SUGP2: variants seen among roughly 807,000 people sequenced by gnomAD.
SUGP2 encodes SURP and G-patch domain containing 2.
Under a neutral mutation model 90.5 loss-of-function variants are expected in SUGP2, and 24 were observed. The observed-to-expected ratio is 0.27, with a 90% CI of 0.19 to 0.37. The LOEUF is 0.37. Ranked by LOEUF, SUGP2 falls within the 10% of genes least tolerant of loss-of-function variation. SUGP2 has a pLI of 1.00. For missense variants in SUGP2, 1,233 were observed against 1,363.3 expected, an observed-to-expected ratio of 0.90 and a Z score of 1.51; for synonymous variants, 473 against 513.4, an observed-to-expected ratio of 0.92 and a Z score of 1.06.
At chr19:18,999,367 G>A (rs1381308384) in intron 8 of SUGP2, among the ~76,000 whole-genome samples, 2 of 152,116 alleles carry the variant, frequency 1.3e-5, no homozygotes, top group Admixed American at 1.3e-4. Context: ...AATCCTCACT[G>A]TACCTCCTAC....
Position 19,026,147 on chromosome 19 carries a change from T to G in SUGP2, c.201A>C (p.Gly67=). 2 of 1,613,732 alleles carry G rather than the reference T, an allele frequency of 1.2e-6. No homozygotes were observed. The highest frequency in any genetic ancestry group is 2.2e-5 in the South Asian group (2 of 91,082). The change falls in exon 3 of 11, where the codon GGA becomes GGC. Residue 67 remains glycine (G), a synonymous_variant. Coordinates refer to ENST00000452918, the MANE Select transcript of SUGP2 (RefSeq NM_001017392.5). The part of the protein sequence containing the change: ...VHSDGRYSLS[G]SVAHSRDAGR... ...CGGCATCTCTAGAGTGAGCTACAGA[T>G]CCACTGAGGGAGTATCTGCCATCGC...
In SUGP2 at chr19:19,011,590, T is replaced by G. The variant is rs543810556; in HGVS notation, c.1851-1248A>C. ...TGATTACCCTTCACTCAAAAGTTAT[T>G]CAGAAACATGTTTTATTTTGGTTGT... On this transcript the variant is annotated intron_variant, in intron 4 of 10. Coordinates refer to ENST00000452918, the MANE Select transcript of SUGP2 (RefSeq NM_001017392.5). 3.3e-5 allele frequency among the ~76,000 whole-genome samples: 5 copies of G among 152,378 alleles called. No individual in the cohort carries two copies. The East Asian group carries it at 9.6e-4, about 29-fold the overall frequency.
At chr19:19,005,536 T>C (rs1272883593) in intron 6 of SUGP2, among the ~76,000 whole-genome samples, 1 of 152,112 alleles carries the variant, frequency 6.6e-6, no homozygotes, top group East Asian at 1.9e-4. Flanking sequence ...AACAGCATAG[T>C]AGTCCATAAG....
In SUGP2 at chr19:18,993,294, C is replaced by T. The variant is rs1486184011; in HGVS notation, c.*447G>A. ...GTAATTACCGGGAATTTGTCTCCCC[C>T]GTATAAATTCTGGCGAACAACGAGA... is the stretch of plus-strand genomic sequence containing the variant. On this transcript the variant is annotated 3_prime_UTR_variant, in exon 11 of 11. Transcript: ENST00000452918. 6.6e-6 allele frequency: 1 copy of T among 152,146 alleles called. No individual in the cohort carries two copies. 9.4% of individuals were successfully genotyped at this position (152,146 alleles called of 1,614,324 possible).
At chr19:19,014,429 G>A (rs2058418693) in intron 4 of SUGP2, among the ~76,000 whole-genome samples, 1 of 152,052 alleles carries the variant, frequency 6.6e-6, no homozygotes, top group African/African-American at 2.4e-5. Flanking sequence ...ATCTCTGCTG[G>A]CCCTCAGAGG....
At position 19,024,840 on chromosome 19, in the gene SUGP2, C is replaced by G. The variant is rs1279641258; in HGVS notation, c.1508G>C (p.Gly503Ala). The G allele has an allele frequency of 1.2e-6, 2 of 1,614,044 alleles. No homozygotes were observed. The highest frequency in any genetic ancestry group is 2.7e-5 in the African/African-American group (2 of 74,910). ...AGGTGAGGGAGCTATATCTTGCAGG[C>G]CGACAGCTTCTAAGATTTTCTCCTG... is the stretch of plus-strand genomic sequence containing the variant. ...FRQEKILEAVGLQDIAPSPAA... is the reference protein window; with the variant it reads ...FRQEKILEAVALQDIAPSPAA... Residue 503 changes from glycine to alanine, a missense_variant, in exon 3 of 11, where the codon GGC (glycine) becomes GCC (alanine). By Grantham distance (60) the Gly-to-Ala change is moderately conservative. Transcript: ENST00000452918.
chr19:19,028,362 T>C (rs2059014869), intron 2 of SUGP2, among the ~76,000 whole-genome samples: 1 of 152,192 alleles, frequency 6.6e-6, no homozygotes, highest in Non-Finnish European at 1.5e-5. Flanking sequence ...TGAAGAGTTC[T>C]AAGCAGAGGG....
At chr19:19,016,177 C>T (rs2058493403) in intron 4 of SUGP2, among the ~76,000 whole-genome samples, 2 of 151,984 alleles carry the variant, frequency 1.3e-5, no homozygotes, top group African/African-American at 4.8e-5. Flanking sequence ...TACAGGCACC[C>T]GCCACCAGGC....
At chr19:19,010,404 C>A in intron 4 of SUGP2, 62 bp from the exon 5 acceptor site, 1 of 1,566,902 alleles carries the variant, frequency 6.4e-7, no homozygotes, top group South Asian at 1.2e-5. Flanking sequence ...CCAAATTGTT[C>A]CTTCAAACAC....
At chr19:19,032,880 T>G (rs2059233499) in intron 1 of SUGP2, among the ~76,000 whole-genome samples, 1 of 152,076 alleles carries the variant, frequency 6.6e-6, no homozygotes, top group African/African-American at 2.4e-5. Flanking sequence ...TAGGGTCCAT[T>G]TCCCATCACG....
chr19:19,009,415 G>A lies in SUGP2; in HGVS notation c.2338+440C>T, dbSNP rs529874373. On this transcript the variant is annotated intron_variant, in intron 5 of 10. Transcript: ENST00000452918. ...CAGAAGGGGTGAAGTTAGTCGATTC[G>A]GAGGAAGCAGTGCAGGTCAGCGAAC... 5.3e-5 allele frequency among the ~76,000 whole-genome samples: 8 copies of A among 152,310 alleles called. No individual in the cohort carries two copies. The East Asian group carries it at 1.2e-3, about 22-fold the overall frequency.
chr19:19,031,203 T>C, intron 1 of SUGP2, 121 bp from the exon 2 acceptor site: 3 of 1,025,330 alleles, frequency 2.9e-6, no homozygotes, highest in Non-Finnish European at 4.3e-6. Context: ...AGCTCAGGAG[T>C]TCGAGACCAG....
chr19:19,010,452 C>A, intron 4 of SUGP2, 110 bp from the exon 5 acceptor site: 1 of 1,426,002 alleles, frequency 7.0e-7, no homozygotes, highest in Non-Finnish European at 9.5e-7. Context: ...ACTGTCCTCT[C>A]CTGTCTCAGA....
intron 4 of SUGP2, among the ~76,000 whole-genome samples, chr19:19,012,454 A>G (rs1055683638): frequency 6.6e-6 from 1 of 152,136 alleles, no homozygotes; most frequent in African/African-American, 2.4e-5. Context: ...TCCCAAATGC[A>G]TCTCCCAAGT....
chr19:19,024,520 A>T lies in SUGP2; in HGVS notation c.1729+99T>A, dbSNP rs919619209. On this transcript the variant is annotated intron_variant, in intron 3 of 10. Coordinates refer to ENST00000452918, the MANE Select transcript of SUGP2 (RefSeq NM_001017392.5). The stretch of plus-strand genomic sequence containing the variant: ...TCTACTAAAATCCTGATATGTTTCC[A>T]ATTGGCTAAAGAACTTCTGTGTAAA... 15 of 1,381,462 alleles carry T rather than the reference A, an allele frequency of 1.1e-5. No homozygotes were observed. In the South Asian group the frequency reaches 2.0e-4, roughly 18 times the overall value. 85.6% of individuals were successfully genotyped at this position (1,381,462 alleles called of 1,614,324 possible). A position where few individuals can be genotyped will look rare whatever the true frequency, so the allele number is the denominator to read the frequency against.
chr19:19,000,463 A>G (rs566115097), intron 8 of SUGP2, among the ~76,000 whole-genome samples: 1 of 152,316 alleles, frequency 6.6e-6, no homozygotes, highest in South Asian at 2.1e-4. Flanking sequence ...CCTGGCACGT[A>G]GGAGGTGCTG....
chr19:18,994,181 G>A, intron 10 of SUGP2, 185 bp downstream of exon 10: 1 of 789,448 alleles, frequency 1.3e-6, no homozygotes, highest in Non-Finnish European at 2.0e-6. Flanking sequence ...AGCAAACCTG[G>A]AAGGTAAGAA....
rs775102340 is a variant in SUGP2, at chr19:18,995,140, G to A, written c.3128+4C>T. 1.9e-5 allele frequency: 31 copies of A among 1,611,782 alleles called. No homozygotes were observed. The East Asian group carries it at 2.9e-4, about 15-fold the overall frequency. ...ACTCCCACCCCAGGCTGCCTGCTGC[G>A]TACACGCTGACCGGCTCCCTGATGC... is the stretch of plus-strand genomic sequence containing the variant. On this transcript the variant is annotated splice_donor_region_variant and intron_variant, in intron 9 of 10. Transcript: ENST00000452918.
At chr19:19,005,844 A>C (rs981232251) in intron 6 of SUGP2, among the ~76,000 whole-genome samples, 1 of 46,404 alleles carries the variant, frequency 2.2e-5, no homozygotes, top group Non-Finnish European at 4.0e-5. Context: ...CAGGCTAACA[A>C]ACACACACAC....
Sources: allele counts gnomAD v4.1 joint callset (sites outside exome capture counted in the v4.1 genomes callset), GRCh38; gene constraint gnomAD v4.1.1; transcripts MANE v1.5; gene names NCBI Gene and HGNC (gene_info 2026-07-23, HGNC 2026-07-21).